Variants in ADORA2B observed in about 807,000 individuals in gnomAD.
The protein encoded by ADORA2B is adenosine receptor A2b.
In ADORA2B, 18 loss-of-function variants were observed where a neutral mutation model predicts 20.8. The ratio of observed to expected loss-of-function variants is 0.87; its 90% CI spans 0.60 to 1.29. ADORA2B has a LOEUF of 1.29. Ranked by LOEUF, ADORA2B falls within the 50% of genes most tolerant of loss-of-function variation. ADORA2B has a pLI of 0.00. For missense variants in ADORA2B, 441 were observed against 422.7 expected (o/e 1.04, Z -0.38); for synonymous variants, 179 against 178.3 (o/e 1.00, Z -0.03).
At chr17:15,939,098 C>T in the ADORA2B span, among the ~76,000 whole-genome samples, 2 of 151,998 alleles carry the variant, frequency 1.3e-5, no homozygotes, top group East Asian at 1.9e-4. Context: ...CGGAGTGCAG[C>T]GGTGGGATCT....
intron 1 of ADORA2B, among the ~76,000 whole-genome samples, chr17:15,947,545 G>C (rs572136532): frequency 1.6e-3 from 240 of 152,340 alleles, no homozygotes; most frequent in Non-Finnish European, 2.2e-3. Context: ...ACTGAGGCTC[G>C]CCCCATCCTG....
chr17:15,967,595 G>C (rs183319243), intron 1 of ADORA2B, among the ~76,000 whole-genome samples: 1 of 152,190 alleles, frequency 6.6e-6, no homozygotes, highest in Non-Finnish European at 1.5e-5. Flanking sequence ...GCCAGGGCAC[G>C]TGGGGAAGGA....
the ADORA2B span, among the ~76,000 whole-genome samples, chr17:15,918,499 C>T: frequency 2.6e-5 from 4 of 152,060 alleles, no homozygotes; most frequent in Admixed American, 6.6e-5. Flanking sequence ...TTTGAGACAG[C>T]CTTGCTCTGC....
chr17:15,944,667 G>A (rs1969774344), upstream of ADORA2B, among the ~76,000 whole-genome samples: 1 of 152,122 alleles, frequency 6.6e-6, no homozygotes, highest in Non-Finnish European at 1.5e-5. The surrounding 1 kb of genome is among the most constrained non-coding windows in gnomAD (Gnocchi z 4.8). Context: ...CACGAGCGGG[G>A]ACTGCGGCCT....
intron 1 of ADORA2B, among the ~76,000 whole-genome samples, chr17:15,956,263 C>T (rs934067593): frequency 6.6e-6 from 1 of 152,128 alleles, no homozygotes; most frequent in Non-Finnish European, 1.5e-5. Flanking sequence ...TGTACATAAC[C>T]TAAACTCTTC....
rs1597433305 is a variant in ADORA2B, at chr17:15,974,930, T to C, written c.587T>C (p.Leu196Pro). The part of the protein sequence containing the change: ...NFFGCVLPPL[L>P]IMLVIYIKIF... Reference sequence around the variant, plus strand: ...TTTGGGTGTGTTCTGCCCCCACTGCTTATAATGCTGGTGATCTACATTAAG... The same window carrying C: ...TTTGGGTGTGTTCTGCCCCCACTGCCTATAATGCTGGTGATCTACATTAAG... Residue 196 changes from leucine to proline, a missense_variant, in exon 2 of 2, where the codon CTT (leucine) becomes CCT (proline). By Grantham distance (98) the Leu-to-Pro change is moderately conservative. Coordinates refer to ENST00000304222, the MANE Select transcript of ADORA2B (RefSeq NM_000676.4). 8 of 1,614,184 alleles carry C rather than the reference T, an allele frequency of 5.0e-6. No individual in the cohort carries two copies. The East Asian group carries it at 1.6e-4, about 31-fold the overall frequency.
intron 1 of ADORA2B, among the ~76,000 whole-genome samples, chr17:15,968,937 C>T (rs1022711519): frequency 2.6e-5 from 4 of 152,116 alleles, no homozygotes; most frequent in African/African-American, 7.2e-5. Context: ...TTTGGTTGTG[C>T]GGTTCCTCCC....
At chr17:15,867,918 G>C in the ADORA2B span, among the ~76,000 whole-genome samples, 4 of 152,106 alleles carry the variant, frequency 2.6e-5, no homozygotes, top group South Asian at 8.3e-4. Flanking sequence ...TGGCGGTTTT[G>C]TGGAATAGAA....
At chr17:15,915,589 T>C in the ADORA2B span, among the ~76,000 whole-genome samples, 1 of 146,088 alleles carries the variant, frequency 6.8e-6, no homozygotes, top group African/African-American at 2.4e-5. Context: ...CAATAGGAGA[T>C]AGATAGGTGA....
chr17:15,893,758 G>T, the ADORA2B span, among the ~76,000 whole-genome samples: 1 of 152,200 alleles, frequency 6.6e-6, no homozygotes, highest in Non-Finnish European at 1.5e-5. Flanking sequence ...TAAGAAATCT[G>T]TGTGACTGTT....
chr17:15,886,246 G>A, the ADORA2B span, among the ~76,000 whole-genome samples: 3 of 70,302 alleles, frequency 4.3e-5, 1 homozygote, highest in Non-Finnish European at 8.7e-5. Context: ...TCTTGTAGTG[G>A]CTCGCCCTTT....
the ADORA2B span, among the ~76,000 whole-genome samples, chr17:15,899,984 A>G: frequency 6.6e-6 from 1 of 152,014 alleles, no homozygotes; most frequent in Non-Finnish European, 1.5e-5. Flanking sequence ...GGCACGTGCC[A>G]CCATGCCCAG....
chr17:15,892,303 G>A, the ADORA2B span, among the ~76,000 whole-genome samples: 1 of 152,102 alleles, frequency 6.6e-6, no homozygotes, highest in African/African-American at 2.4e-5. Flanking sequence ...TGAGTAGCTG[G>A]ATTACAGACA....
At chr17:15,923,187 T>C in the ADORA2B span, among the ~76,000 whole-genome samples, 2 of 145,810 alleles carry the variant, frequency 1.4e-5, no homozygotes, top group East Asian at 3.9e-4. Context: ...CACGCCTGGC[T>C]AATTTCTTTC....
At chr17:15,937,622 G>C in the ADORA2B span, among the ~76,000 whole-genome samples, 1 of 151,488 alleles carries the variant, frequency 6.6e-6, no homozygotes. Flanking sequence ...ACCCAGGCTG[G>C]AGTGCAATGG....
At chr17:15,928,667 C>A in the ADORA2B span, among the ~76,000 whole-genome samples, 1 of 152,162 alleles carries the variant, frequency 6.6e-6, no homozygotes, top group Non-Finnish European at 1.5e-5. Context: ...TGACAAGTCT[C>A]AGCCTTGGCC....
At chr17:15,953,183 G>C (rs974464947) in intron 1 of ADORA2B, among the ~76,000 whole-genome samples, 1 of 152,224 alleles carries the variant, frequency 6.6e-6, no homozygotes, top group Non-Finnish European at 1.5e-5. Flanking sequence ...GCACCCGTGA[G>C]TGGGCATGGG....
the ADORA2B span, among the ~76,000 whole-genome samples, chr17:15,862,861 A>T: frequency 6.6e-6 from 1 of 150,550 alleles, no homozygotes; most frequent in African/African-American, 2.5e-5. Context: ...CCTCGGGTTC[A>T]AGCAGTTCTC....
the ADORA2B span, among the ~76,000 whole-genome samples, chr17:15,922,368 T>C: frequency 6.6e-6 from 1 of 152,234 alleles, no homozygotes; most frequent in African/African-American, 2.4e-5. Flanking sequence ...TAGGCAAATG[T>C]CTCCAAGACA....
Sources: gnomAD v4.1 joint callset for allele counts (sites outside exome capture counted in the v4.1 genomes callset) on GRCh38, gnomAD v4.1.1 for gene constraint, Gnocchi (gnomAD v3.1) non-coding constraint, MANE v1.5 for transcripts, NCBI Gene and HGNC (gene_info 2026-07-23, HGNC 2026-07-21) for gene names.